The following HSPA12A variants were observed in gnomAD, a reference collection of about 807,000 sequenced individuals.
HSPA12A encodes heat shock 70 kDa protein 12A.
In HSPA12A, 28 loss-of-function variants were observed where a neutral mutation model predicts 69.2. That is an observed-to-expected ratio of 0.40 (90% confidence interval 0.30 to 0.55). The LOEUF (loss-of-function observed/expected upper bound fraction) is 0.55. Among genes scored for constraint, HSPA12A ranks in the 20% least tolerant of loss-of-function variants. The pLI is 0.38. For synonymous variants in HSPA12A, 345 were observed against 370.5 expected, an observed-to-expected ratio of 0.93 and a Z score of 0.79; for missense variants, 686 against 900.7, an observed-to-expected ratio of 0.76 and a Z score of 3.05.
intron 6 of HSPA12A, 27 bp downstream of exon 6, chr10:116,692,321 GGCT>G: frequency 6.4e-7 from 1 of 1,568,290 alleles, no homozygotes. Flanking sequence ...CTTCTCCTCC[GGCT>G]TCCACCCGCC....
rs555750183 is a variant in HSPA12A at position 116,697,146 on chromosome 10, C to T, written c.546+1489G>A. 2.4e-3 allele frequency among the ~76,000 whole-genome samples: 363 copies of T among 152,346 alleles called. 4 individuals are homozygous for T. The highest frequency in any genetic ancestry group is 0.016 in the Admixed American group (249 of 15,306). ...TGAAAGTAATACCATGTTCTCACTT[C>T]TTCTTTGTCTCCCTCTGACCCTATT... is the stretch of plus-strand genomic sequence containing the variant. On this transcript the variant is annotated intron_variant, in intron 5 of 11. Transcript: ENST00000369209.
At chr10:116,757,268 T>C (rs1161117838) in intron 2 of HSPA12A, among the ~76,000 whole-genome samples, 4 of 152,036 alleles carry the variant, frequency 2.6e-5, no homozygotes, top group Non-Finnish European at 4.4e-5. Flanking sequence ...GTGTTACGGA[T>C]TTTGCCTGTG....
intron 2 of HSPA12A, among the ~76,000 whole-genome samples, chr10:116,779,861 C>G (rs573450273): frequency 3.9e-4 from 60 of 152,168 alleles, no homozygotes; most frequent in Admixed American, 3.9e-3. Flanking sequence ...TGAGTGCACT[C>G]CGTCCCCGCA....
rs1329970888 is a variant in HSPA12A, at chr10:116,834,511, A to G, written c.91+424T>C. ...TGAGAGGAGAGACATGTTAAGGCAA[A>G]AATAAGTCCAGAAGAGCGAGAGGCC... On this transcript the variant is annotated intron_variant, in intron 2 of 12. Transcript: ENST00000635765. Among the ~76,000 whole-genome samples, 5 of 152,174 alleles carry G rather than the reference A, an allele frequency of 3.3e-5. 1 individual carries two copies. The highest frequency in any genetic ancestry group is 1.2e-4 in the African/African-American group (5 of 41,444).
intron 7 of HSPA12A, among the ~76,000 whole-genome samples, chr10:116,682,955 G>A (rs1392169889): frequency 2.0e-5 from 3 of 148,574 alleles, no homozygotes; most frequent in Admixed American, 6.8e-5. Context: ...CGCCTGCCTC[G>A]GCCTCCCAAA....
rs1000933664 is a variant in HSPA12A, at chr10:116,681,400, G to A, written c.923-144C>T. The A allele has an allele frequency of 4.3e-5, 29 of 668,294 alleles. No individual in the cohort carries two copies. The Middle Eastern group carries it at 2.0e-3, about 45-fold the overall frequency. 41.4% of individuals were successfully genotyped at this position (668,294 alleles called of 1,614,324 possible). A position where few individuals can be genotyped will look rare whatever the true frequency, so the allele number is the denominator to read the frequency against. On this transcript the variant is annotated intron_variant, in intron 8 of 11. Coordinates refer to ENST00000369209, the MANE Select transcript of HSPA12A (RefSeq NM_025015.3). ...TGGTTTTGCTAATTAGCAGCTCTAGGAGTTAACCATGACCAAAGAGAATGC... is the reference window on the plus strand; with the variant it reads ...TGGTTTTGCTAATTAGCAGCTCTAGAAGTTAACCATGACCAAAGAGAATGC...
At chr10:116,791,518 G>C (rs1395419481) in intron 2 of HSPA12A, among the ~76,000 whole-genome samples, 1 of 152,174 alleles carries the variant, frequency 6.6e-6, no homozygotes, top group Admixed American at 6.5e-5. Context: ...AAGAAGAATA[G>C]AGGTTAATTG....
intron 2 of HSPA12A, among the ~76,000 whole-genome samples, chr10:116,820,715 C>T (rs1299190274): frequency 3.3e-5 from 5 of 152,024 alleles, no homozygotes; most frequent in African/African-American, 4.8e-5. Context: ...GGATCTCTTC[C>T]GCTTTCTTGG....
intron 2 of HSPA12A, among the ~76,000 whole-genome samples, chr10:116,780,153 G>A (rs568341294): frequency 2.1e-4 from 32 of 152,212 alleles, no homozygotes; most frequent in African/African-American, 6.7e-4. Context: ...GGGCACTGTC[G>A]CAGACCATCT....
At chr10:116,822,913 C>G (rs932043091) in intron 2 of HSPA12A, among the ~76,000 whole-genome samples, 1 of 152,068 alleles carries the variant, frequency 6.6e-6, no homozygotes, top group African/African-American at 2.4e-5. Flanking sequence ...AGCTACTTGC[C>G]CAGGTACAGA....
At chr10:116,727,104 AAAAG>A (rs1202192151) in intron 1 of HSPA12A, among the ~76,000 whole-genome samples, 1 of 152,254 alleles carries the variant, frequency 6.6e-6, no homozygotes, top group Non-Finnish European at 1.5e-5. Flanking sequence ...TTCAATTCAT[AAAAG>A]AAAGAAAAAT....
chr10:116,726,527 C>T (rs10886006), intron 1 of HSPA12A, among the ~76,000 whole-genome samples: 1 of 151,842 alleles, frequency 6.6e-6, no homozygotes, highest in African/African-American at 2.4e-5. Flanking sequence ...CCTACCACCC[C>T]CCTTGTGAGT....
At chr10:116,823,669 A>G (rs946137439) in intron 2 of HSPA12A, among the ~76,000 whole-genome samples, 2 of 152,196 alleles carry the variant, frequency 1.3e-5, no homozygotes, top group East Asian at 1.9e-4. Flanking sequence ...CTTTTCACTA[A>G]TGGTGCTGGG....
In HSPA12A at chr10:116,751,009, T is replaced by TGAA. The variant is rs367768494; in HGVS notation, c.92-43727_92-43725dup. ...AGGACGAGGAGGAAGAGGAAGAACA[T>TGAA]GAAGAAGAAGAAGAAGAAGAAGAAG... On this transcript the variant is annotated intron_variant, in intron 2 of 12. Coordinates refer to the HSPA12A transcript ENST00000635765. 3.6e-3 allele frequency among the ~76,000 whole-genome samples: 461 copies of TGAA among 129,246 alleles called. 3 individuals carry two copies. The highest frequency in any genetic ancestry group is 0.011 in the South Asian group (46 of 4,116). 84.8% of individuals were successfully genotyped at this position (129,246 alleles called of 152,430 possible).
chr10:116,817,802 C>G (rs374201966), intron 2 of HSPA12A, among the ~76,000 whole-genome samples: 2 of 152,254 alleles, frequency 1.3e-5, no homozygotes, highest in East Asian at 3.9e-4. Flanking sequence ...GTGGGTCAGT[C>G]AAGATAAGCT....
At chr10:116,712,283 C>A (rs1269313719) in intron 1 of HSPA12A, among the ~76,000 whole-genome samples, 1 of 152,044 alleles carries the variant, frequency 6.6e-6, no homozygotes, top group African/African-American at 2.4e-5. Flanking sequence ...CACCCCACCC[C>A]AACACATTAA....
intron 3 of HSPA12A, among the ~76,000 whole-genome samples, chr10:116,702,567 A>T (rs1250040084): frequency 6.6e-5 from 10 of 152,200 alleles, no homozygotes; most frequent in Admixed American, 5.9e-4. Context: ...CTACCCCAGC[A>T]GCCAAAGTCC....
intron 5 of HSPA12A, 134 bp downstream of exon 5, chr10:116,698,501 G>T: frequency 1.6e-6 from 1 of 610,122 alleles, no homozygotes; most frequent in Non-Finnish European, 2.9e-6. Flanking sequence ...CTGTTGTGTT[G>T]ACTCCAAAGC....
In HSPA12A at chr10:116,710,937, G is replaced by A. The variant is rs1460803391; in HGVS notation, c.41-3652C>T. Among the ~76,000 whole-genome samples, 3 of 152,210 alleles carry A rather than the reference G, an allele frequency of 2.0e-5. No homozygotes were observed. Among genetic ancestry groups the A allele is most frequent in the Non-Finnish European group, 2.9e-5 (2 of 68,046 alleles). The stretch of plus-strand genomic sequence containing the variant: ...GGAAAAGCCTATCTCACCCCCTGAG[G>A]AGAATGGGGAGTTTAATTCTGATGT... On this transcript the variant is annotated intron_variant, in intron 1 of 11. Coordinates refer to ENST00000369209, the MANE Select transcript of HSPA12A (RefSeq NM_025015.3). This position sits in a 1 kb window ranked among gnomAD's most constrained non-coding sequence, Gnocchi z 4.1.
Sources: allele counts gnomAD v4.1 joint callset (sites outside exome capture counted in the v4.1 genomes callset), GRCh38; gene constraint gnomAD v4.1.1; non-coding constraint Gnocchi (gnomAD v3.1); transcripts MANE v1.5; gene names NCBI Gene and HGNC (gene_info 2026-07-23, HGNC 2026-07-21).